MAL2: variants seen among roughly 807,000 people sequenced by gnomAD.
MAL2 encodes the protein protein MAL2.
In MAL2, 17 loss-of-function variants were observed where a neutral mutation model predicts 18.1. That is an observed-to-expected ratio of 0.94 (90% CI 0.64 to 1.41). MAL2 has a LOEUF of 1.41. MAL2 is among the 40% of genes most tolerant of loss of function. The probability of loss-of-function intolerance (pLI) is 0.00; values close to 1 mark genes in which losing one functional copy is unlikely to be tolerated. For missense variants in MAL2, 222 were observed against 231.9 expected (o/e 0.96, Z 0.28); for synonymous variants, 102 against 102.3 (o/e 1.00, Z 0.02).
chr8:119,212,931 A>T (rs1286422690), intron 1 of MAL2, among the ~76,000 whole-genome samples: 1 of 152,228 alleles, frequency 6.6e-6, no homozygotes, highest in Non-Finnish European at 1.5e-5. Context: ...TGAAGGACAG[A>T]GAGAAACTTG....
At position 119,208,615 on chromosome 8, in the gene MAL2, C is replaced by G; in HGVS notation, c.132+11C>G. On this transcript the variant is annotated intron_variant, in intron 1 of 3. Coordinates refer to ENST00000614891, the MANE Select transcript of MAL2 (RefSeq NM_052886.3). This position sits in a 1 kb window ranked among gnomAD's most constrained non-coding sequence, Gnocchi z 4.3. The stretch of plus-strand genomic sequence containing the variant: ...GTCTGCCTGGAGATTGTAAGTGGGG[C>G]CGCCGGAGCGAGGGTCGCGCGGGGA... 1 of 1,311,042 alleles carries G rather than the reference C, an allele frequency of 7.6e-7. No individual in the cohort carries two copies. 81.2% of individuals were successfully genotyped at this position (1,311,042 alleles called of 1,614,324 possible).
At chr8:119,225,939 T>A (rs1357380201) in intron 2 of MAL2, among the ~76,000 whole-genome samples, 1 of 152,228 alleles carries the variant, frequency 6.6e-6, no homozygotes, top group African/African-American at 2.4e-5. Context: ...TGTCTGTTCA[T>A]ATCCTTCACC....
chr8:119,227,293 T>C lies in MAL2; in HGVS notation c.303+5536T>C, dbSNP rs544074355. Among the ~76,000 whole-genome samples the C allele has an allele frequency of 3.9e-5, 6 of 152,344 alleles. No homozygotes were observed. The South Asian group carries it at 1.2e-3, about 32-fold the overall frequency. On this transcript the variant is annotated intron_variant, in intron 2 of 3. Coordinates refer to ENST00000614891, the MANE Select transcript of MAL2 (RefSeq NM_052886.3). ...ATTGAGAAGTACAAGAGTTTTGGTT[T>C]GGGCTTTTTGTGCATTTTGTTGTTG...
chr8:119,221,516 C>G, intron 1 of MAL2, 71 bp from the exon 2 acceptor site: 4 of 1,569,488 alleles, frequency 2.5e-6, no homozygotes. Flanking sequence ...GAGGGTAATA[C>G]AAGCATGTTT....
Position 119,208,603 on chromosome 8 carries a change from T to C in MAL2, c.131T>C (p.Ile44Thr), listed in dbSNP as rs772932633. The change falls in exon 1 of 4, where the codon ATT (isoleucine) becomes ACT (threonine). Residue 44 changes from isoleucine (I) to threonine (T), a missense_variant and splice_region_variant. Coordinates refer to ENST00000614891, the MANE Select transcript of MAL2 (RefSeq NM_052886.3). This position sits in a 1 kb window ranked among gnomAD's most constrained non-coding sequence, Gnocchi z 4.3. Reference protein sequence around the residue: ...TYSGAFVCLEILFGGLVWILV... With the variant: ...TYSGAFVCLETLFGGLVWILV... Reference sequence around the variant, plus strand: ...TCGGGCGCCTTCGTCTGCCTGGAGATTGTAAGTGGGGCCGCCGGAGCGAGG... The same window carrying C: ...TCGGGCGCCTTCGTCTGCCTGGAGACTGTAAGTGGGGCCGCCGGAGCGAGG... The C allele has an allele frequency of 7.5e-7, 1 of 1,331,322 alleles. No homozygotes were observed. The highest frequency in any genetic ancestry group is 1.5e-5 in the African/African-American group (1 of 65,616). The allele number at this position is 1,331,322 out of a possible 1,614,324, so 82.5% of individuals were successfully genotyped here.
At chr8:119,240,373 C>A in intron 3 of MAL2, 53 bp downstream of exon 3, 1 of 1,568,064 alleles carries the variant, frequency 6.4e-7, no homozygotes, top group South Asian at 1.2e-5. Flanking sequence ...GCTCCACTGT[C>A]AAGGCCTCCA....
chr8:119,214,235 A>G (rs1437241878), intron 1 of MAL2, among the ~76,000 whole-genome samples: 1 of 152,240 alleles, frequency 6.6e-6, no homozygotes, highest in Admixed American at 6.5e-5. Flanking sequence ...ATGTGAAAAT[A>G]GTCTGGAGAC....
intron 2 of MAL2, among the ~76,000 whole-genome samples, chr8:119,230,973 C>T (rs1169706916): frequency 6.6e-6 from 1 of 151,992 alleles, no homozygotes; most frequent in Non-Finnish European, 1.5e-5. Flanking sequence ...TAGTTCTTAC[C>T]CATGGTTAGT....
chr8:119,213,567 C>T (rs940890627), intron 1 of MAL2, among the ~76,000 whole-genome samples: 3 of 152,126 alleles, frequency 2.0e-5, no homozygotes, highest in Non-Finnish European at 4.4e-5. Flanking sequence ...GCCTGTAATC[C>T]TAGCACTTTG....
At chr8:119,239,691 A>G (rs1342101819) in intron 2 of MAL2, among the ~76,000 whole-genome samples, 3 of 151,626 alleles carry the variant, frequency 2.0e-5, no homozygotes, top group East Asian at 3.9e-4. Flanking sequence ...AACACCACAT[A>G]TTCTCACTCA....
At chr8:119,227,738 C>T (rs116959413) in intron 2 of MAL2, among the ~76,000 whole-genome samples, 119 of 152,318 alleles carry the variant, frequency 7.8e-4, no homozygotes, top group Non-Finnish European at 1.0e-3. Flanking sequence ...GGAGTCACTC[C>T]TCTGGGGTTC....
intron 2 of MAL2, chr8:119,224,460 C>T (rs1258481393): frequency 6.6e-6 from 1 of 152,104 alleles, no homozygotes; most frequent in Non-Finnish European, 1.5e-5. Context: ...AAACATGTTT[C>T]CCTTTATTCC....
At position 119,235,341 on chromosome 8, in the gene MAL2, G is replaced by C. The variant is rs529931731; in HGVS notation, c.304-4824G>C. 1.4e-4 allele frequency among the ~76,000 whole-genome samples: 21 copies of C among 152,328 alleles called. No individual in the cohort carries two copies. The Middle Eastern group carries it at 0.017, about 123-fold the overall frequency. On this transcript the variant is annotated intron_variant, in intron 2 of 3. Coordinates refer to ENST00000614891, the MANE Select transcript of MAL2 (RefSeq NM_052886.3). ...ACGTCTGATTGGGGTACCTGAAAGT[G>C]ATGGGGAGAATGGAACCAAGTTGGA...
Position 119,208,610 on chromosome 8 carries a change from T to A in MAL2, c.132+6T>A. ...CCTTCGTCTGCCTGGAGATTGTAAG[T>A]GGGGCCGCCGGAGCGAGGGTCGCGC... On this transcript the variant is annotated splice_donor_region_variant and intron_variant, in intron 1 of 3. Coordinates refer to ENST00000614891, the MANE Select transcript of MAL2 (RefSeq NM_052886.3). The surrounding 1 kb of genome is among the most constrained non-coding windows in gnomAD (Gnocchi z 4.3). 1 of 1,318,684 alleles carries A rather than the reference T, an allele frequency of 7.6e-7. No homozygotes were observed. Among genetic ancestry groups the A allele is most frequent in the Non-Finnish European group, 9.7e-7 (1 of 1,031,700 alleles). The allele number at this position is 1,318,684 out of a possible 1,614,324, so 81.7% of individuals were successfully genotyped here. A position where few individuals can be genotyped will look rare whatever the true frequency, so the allele number is the denominator to read the frequency against.
At chr8:119,239,470 T>C (rs544935553) in intron 2 of MAL2, among the ~76,000 whole-genome samples, 13 of 152,156 alleles carry the variant, frequency 8.5e-5, no homozygotes, top group African/African-American at 2.7e-4. Flanking sequence ...CACATGCACA[T>C]GTATGTTTAT....
At chr8:119,240,122 A>C (rs760848118) in intron 2 of MAL2, 43 bp from the exon 3 acceptor site, 2 of 1,582,610 alleles carry the variant, frequency 1.3e-6, no homozygotes, top group Non-Finnish European at 1.7e-6. Context: ...GAACAGAAAA[A>C]TATTTTTTTT....
intron 2 of MAL2, among the ~76,000 whole-genome samples, chr8:119,239,483 C>A (rs372965206): frequency 6.6e-6 from 1 of 151,950 alleles, no homozygotes; most frequent in African/African-American, 2.4e-5. Context: ...ATGTTTATTG[C>A]GGCATTATTC....
rs375065447 is a variant in MAL2, at chr8:119,237,709, G to A, written c.304-2456G>A. 1.7e-4 allele frequency among the ~76,000 whole-genome samples: 26 copies of A among 151,798 alleles called. No homozygotes were observed. In the East Asian group the frequency reaches 5.0e-3, roughly 29 times the overall value. ...AAACCACATGATTATCTCAATAGATGCAGAAAAAGCCTTTGACAAAATTCA... is the reference window on the plus strand; with the variant it reads ...AAACCACATGATTATCTCAATAGATACAGAAAAAGCCTTTGACAAAATTCA... On this transcript the variant is annotated intron_variant, in intron 2 of 3. Coordinates refer to ENST00000614891, the MANE Select transcript of MAL2 (RefSeq NM_052886.3).
chr8:119,239,783 C>A (rs970742063), intron 2 of MAL2, among the ~76,000 whole-genome samples: 5 of 151,710 alleles, frequency 3.3e-5, no homozygotes, highest in Non-Finnish European at 5.9e-5. Flanking sequence ...GGAGGGATAG[C>A]ATTAGGAGAT....
Sources: allele counts gnomAD v4.1 joint callset (sites outside exome capture counted in the v4.1 genomes callset), GRCh38; gene constraint gnomAD v4.1.1; non-coding constraint Gnocchi (gnomAD v3.1); transcripts MANE v1.5; gene names NCBI Gene and HGNC (gene_info 2026-07-23, HGNC 2026-07-21).